Variants in ZNF518A observed in about 807,000 individuals in gnomAD.
ZNF518A encodes the protein zinc finger protein 518A.
ZNF518A carries 47 observed loss-of-function variants against 102.7 expected under a neutral mutation model. That is an observed-to-expected ratio of 0.46 (90% CI 0.36 to 0.58). ZNF518A has a LOEUF of 0.58. Among genes scored for constraint, ZNF518A ranks in the 20% least tolerant of loss-of-function variants. ZNF518A has a pLI of 0.00. For missense variants in ZNF518A, 1,793 were observed against 1,699.8 expected (o/e 1.05, Z -0.96); for synonymous variants, 652 against 594.6 (o/e 1.10, Z -1.40).
At chr10:96,172,923 CTG>C (rs1286471258) in intron 1 of ZNF518A, among the ~76,000 whole-genome samples, 2 of 152,206 alleles carry the variant, frequency 1.3e-5, no homozygotes, top group South Asian at 2.1e-4. Flanking sequence ...CTCTCCATAT[CTG>C]TGCGTTCTAC....
chr10:96,186,589 G>T (rs2083273330), intron 1 of ZNF518A, among the ~76,000 whole-genome samples: 1 of 152,026 alleles, frequency 6.6e-6, no homozygotes, highest in South Asian at 2.1e-4. Flanking sequence ...GTAGAGACGG[G>T]GTTTCACCAT....
chr10:96,176,057 G>A (rs1033358825), intron 1 of ZNF518A, among the ~76,000 whole-genome samples: 1 of 152,014 alleles, frequency 6.6e-6, no homozygotes, highest in Admixed American at 6.6e-5. Context: ...TGCCTCCTGA[G>A]TAGCTAGGAC....
At chr10:96,179,427 C>G (rs892909323) in intron 1 of ZNF518A, among the ~76,000 whole-genome samples, 5 of 152,110 alleles carry the variant, frequency 3.3e-5, no homozygotes, top group Admixed American at 2.6e-4. Flanking sequence ...CAATAAGATA[C>G]TACTACACAG....
chr10:96,152,292 G>A (rs1554880624), intron 3 of ZNF518A, among the ~76,000 whole-genome samples: 1 of 152,172 alleles, frequency 6.6e-6, no homozygotes, highest in Non-Finnish European at 1.5e-5. Flanking sequence ...CAGCCTGGGC[G>A]ACAGCGAGAC....
intron 3 of ZNF518A, among the ~76,000 whole-genome samples, chr10:96,144,671 A>G (rs1354588025): frequency 6.6e-6 from 1 of 152,336 alleles, no homozygotes; most frequent in East Asian, 1.9e-4. Flanking sequence ...TGCAGTCTGT[A>G]TAATTTTAAG....
At chr10:96,172,436 C>G (rs1387976658) in intron 1 of ZNF518A, among the ~76,000 whole-genome samples, 1 of 151,922 alleles carries the variant, frequency 6.6e-6, no homozygotes, top group African/African-American at 2.4e-5. Context: ...ATGAAAAACT[C>G]TATAAATATA....
Position 96,156,733 on chromosome 10 carries a change from A to G in ZNF518A, c.411A>G (p.Lys137=). 6.2e-7 allele frequency: 1 copy of G among 1,613,936 alleles called. No individual in the cohort carries two copies. The highest frequency in any genetic ancestry group is 1.3e-5 in the African/African-American group (1 of 75,064). ...GATATAGCCCAAATGATTTGCAGAA[A>G]CACTTTCAAATGTGGCACCATGGCG... ...NTRYSPNDLQ[K]HFQMWHHGEL... Residue 137 remains lysine, a synonymous_variant, in exon 6 of 6, where the codon AAA becomes AAG. Transcript: ENST00000316045.
intron 1 of ZNF518A, chr10:96,189,718 T>C: frequency 1.4e-6 from 1 of 717,786 alleles, no homozygotes. Context: ...ATCATCATCA[T>C]CATCATCATC....
chr10:96,160,738 A>C lies in ZNF518A; in HGVS notation c.4416A>C (p.Leu1472Phe), dbSNP rs781876509. Reference sequence around the variant, plus strand: ...GGGCTGGTCATGGGCAGAGACATTTAATGGAAGCTACTCGGGATTGGAACA... The same window carrying C: ...GGGCTGGTCATGGGCAGAGACATTTCATGGAAGCTACTCGGGATTGGAACA... ...DTWAGHGQRH[L>F]MEATRDWNML... The change falls in exon 6 of 6, where the codon TTA becomes TTC. Residue 1472 changes from leucine (L) to phenylalanine (F), a missense_variant. Coordinates refer to ENST00000316045, the MANE Select transcript of ZNF518A (RefSeq NM_001330736.2). 3 of 1,600,680 alleles carry C rather than the reference A, an allele frequency of 1.9e-6. No individual in the cohort carries two copies. The highest frequency in any genetic ancestry group is 2.6e-6 in the Non-Finnish European group (3 of 1,175,492).
Position 96,158,149 on chromosome 10 carries a change from A to T in ZNF518A, c.1827A>T (p.Ala609=). 1.2e-6 allele frequency: 2 copies of T among 1,613,622 alleles called. No individual in the cohort carries two copies. Among genetic ancestry groups the T allele is most frequent in the South Asian group, 1.1e-5 (1 of 91,052 alleles). ...DKVNCVAKPN[A]YNSGDMHNYC... is the part of the protein sequence containing the mutation. ...TCAACTGTGTTGCCAAACCAAATGC[A>T]TACAACAGTGGAGATATGCATAATT... Residue 609 remains alanine, a synonymous_variant, in exon 6 of 6, where the codon GCA becomes GCT. Transcript: ENST00000316045.
Position 96,200,602 on chromosome 10 carries a change from A to C in ZNF518A, n.36-2972A>C, listed in dbSNP as rs1247524781. ...TATATTTGTATGGAAACTTAGAAAGACTTGCCCAAGGGCACACAGAGTCCT... is the reference window on the plus strand; with the variant it reads ...TATATTTGTATGGAAACTTAGAAAGCCTTGCCCAAGGGCACACAGAGTCCT... On this transcript the variant is annotated intron_variant and non_coding_transcript_variant, in intron 1 of 2. Coordinates refer to the ZNF518A transcript ENST00000442635. The surrounding 1 kb of genome is among the most constrained non-coding windows in gnomAD (Gnocchi z 4.3). 6.6e-6 allele frequency among the ~76,000 whole-genome samples: 1 copy of C among 152,242 alleles called. No homozygotes were observed. Among genetic ancestry groups the C allele is most frequent in the Non-Finnish European group, 1.5e-5 (1 of 68,036 alleles).
rs1554883005 is a variant in ZNF518A at position 96,157,102 on chromosome 10, T to C, written c.780T>C (p.Phe260=). 1 of 1,613,812 alleles carries C rather than the reference T, an allele frequency of 6.2e-7. No individual in the cohort carries two copies. Residue 260 remains phenylalanine, a synonymous_variant, in exon 6 of 6, where the codon TTT becomes TTC. Transcript: ENST00000316045. ...QKHLHIHSGT[F]PFTCQYCSYG... ...ACCTTCATATTCATTCTGGTACTTT[T>C]CCCTTCACTTGTCAATATTGTAGCT...
At chr10:96,179,636 G>A (rs978275074) in intron 1 of ZNF518A, among the ~76,000 whole-genome samples, 4 of 152,026 alleles carry the variant, frequency 2.6e-5, no homozygotes, top group Non-Finnish European at 4.4e-5. Context: ...TTTCTAAGAG[G>A]AATGAAAACA....
Position 96,160,403 on chromosome 10 carries a change from G to T in ZNF518A, c.4081G>T (p.Val1361Leu), listed in dbSNP as rs998877473. The T allele has an allele frequency of 6.2e-7, 1 of 1,613,312 alleles. No homozygotes were observed. Among genetic ancestry groups the T allele is most frequent in the Non-Finnish European group, 8.5e-7 (1 of 1,179,562 alleles). Residue 1361 changes from valine to leucine, a missense_variant, in exon 6 of 6, where the codon GTA becomes TTA. Around this residue, in one of 3 missense-constraint regions of ZNF518A, gnomAD observed 1,741 missense variants for 1,622.6 expected, o/e 1.07. Coordinates refer to ENST00000316045, the MANE Select transcript of ZNF518A (RefSeq NM_001330736.2). The stretch of plus-strand genomic sequence containing the variant: ...TCCTGACGCAGATGCACCAGAAGTA[G>T]TAAGTGTAATGAAAACTATTGCTAA... The part of the protein sequence containing the change: ...NHPDADAPEV[V>L]SVMKTIAKFN...
At position 96,187,236 on chromosome 10, in the gene ZNF518A, G is replaced by A. The variant is rs587658890; in HGVS notation, n.36-16338G>A. The stretch of plus-strand genomic sequence containing the variant: ...TATCCACAGATCACTTTTTATGTCT[G>A]CAAAGAAGATTTTGGTTAGGGGACT... On this transcript the variant is annotated intron_variant and non_coding_transcript_variant, in intron 1 of 2. Transcript: ENST00000442635. Among the ~76,000 whole-genome samples the A allele has an allele frequency of 4.6e-5, 7 of 152,288 alleles. No individual in the cohort carries two copies. In the South Asian group the frequency reaches 1.5e-3, roughly 32 times the overall value.
chr10:96,175,939 CT>C (rs2083202397), intron 1 of ZNF518A, among the ~76,000 whole-genome samples: 2 of 131,114 alleles, frequency 1.5e-5, no homozygotes, highest in African/African-American at 5.4e-5. Context: ...TCCTTCCTTT[CT>C]TTCCTCCTTC....
At position 96,159,915 on chromosome 10, in the gene ZNF518A, A is replaced by C; in HGVS notation, c.3593A>C (p.Asp1198Ala). The change falls in exon 6 of 6, where the codon GAT becomes GCT. Residue 1198 changes from aspartate to alanine, a missense_variant. Transcript: ENST00000316045. ...AGAGATGCCTTACCCTTCTTACTAG[A>C]TGACTTAATGCCAGCAAATGAAATT... Reference protein sequence around the residue: ...ESRDALPFLLDDLMPANEIVI... With the variant: ...ESRDALPFLLADLMPANEIVI... 1 of 1,613,582 alleles carries C rather than the reference A, an allele frequency of 6.2e-7. No individual in the cohort carries two copies. Among genetic ancestry groups the C allele is most frequent in the Non-Finnish European group, 8.5e-7 (1 of 1,179,702 alleles).
chr10:96,195,339 G>A (rs1346711571), intron 1 of ZNF518A, among the ~76,000 whole-genome samples: 24 of 152,190 alleles, frequency 1.6e-4, no homozygotes, highest in African/African-American at 5.8e-4. Flanking sequence ...TGAAAGCAGT[G>A]TCCTGGAGAG....
chr10:96,167,474 G>A (rs1167935252), downstream of ZNF518A, among the ~76,000 whole-genome samples: 1 of 152,010 alleles, frequency 6.6e-6, no homozygotes, highest in Non-Finnish European at 1.5e-5. Context: ...TAAACCCAAA[G>A]AACTAAAGGA....
Sources: gnomAD v4.1 joint callset for allele counts (sites outside exome capture counted in the v4.1 genomes callset) on GRCh38, gnomAD v4.1.1 for gene constraint, gnomAD v4.1.1 regional missense constraint, Gnocchi (gnomAD v3.1) non-coding constraint, MANE v1.5 for transcripts, NCBI Gene and HGNC (gene_info 2026-07-23, HGNC 2026-07-21) for gene names.